GRIK4: variants seen among roughly 807,000 people sequenced by gnomAD.
The protein encoded by GRIK4 is glutamate ionotropic receptor kainate type subunit 4, also known as glutamate receptor ionotropic, kainate 4.
In GRIK4, 40 loss-of-function variants were observed where a neutral mutation model predicts 104.9. That is an observed-to-expected ratio of 0.38 (90% CI 0.30 to 0.50). GRIK4 has a LOEUF of 0.50. GRIK4 is among the 20% of genes least tolerant of loss of function. The probability of loss-of-function intolerance (pLI) is 0.93; values close to 1 mark genes in which losing one functional copy is unlikely to be tolerated. For missense variants in GRIK4, 1,047 were observed against 1,308.1 expected, an observed-to-expected ratio of 0.80 and a Z score of 3.08; for synonymous variants, 485 against 524.9, an observed-to-expected ratio of 0.92 and a Z score of 1.04.
At chr11:120,705,232 C>CTTTTTTTT (rs902505786) in intron 3 of GRIK4, among the ~76,000 whole-genome samples, 3 of 139,084 alleles carry the variant, frequency 2.2e-5, no homozygotes, top group Admixed American at 7.4e-5. Flanking sequence ...TCTTTCTTTT[C>CTTTTTTTT]TTTTTTTTTT....
intron 3 of GRIK4, among the ~76,000 whole-genome samples, chr11:120,741,929 C>A (rs1434009168): frequency 6.6e-6 from 1 of 152,180 alleles, no homozygotes; most frequent in African/African-American, 2.4e-5. Context: ...TGTGAATATG[C>A]AATGGCTCTA....
chr11:120,913,222 T>A (rs1285702272), intron 13 of GRIK4, among the ~76,000 whole-genome samples: 1 of 152,114 alleles, frequency 6.6e-6, no homozygotes, highest in East Asian at 1.9e-4. Flanking sequence ...ACACGGTCTT[T>A]CCCTGCAGAA....
intron 11 of GRIK4, among the ~76,000 whole-genome samples, chr11:120,884,899 G>A (rs1171138163): frequency 6.6e-6 from 1 of 152,250 alleles, no homozygotes; most frequent in Admixed American, 6.5e-5. Context: ...ATCCTCCCCT[G>A]CCCTCCAGCA....
intron 12 of GRIK4, among the ~76,000 whole-genome samples, chr11:120,900,806 A>G (rs1189195925): frequency 6.6e-6 from 1 of 152,190 alleles, no homozygotes; most frequent in African/African-American, 2.4e-5. Context: ...ACCCACGCCC[A>G]TCTCTGCTCA....
At chr11:120,547,697 G>A (rs1282429247) in intron 1 of GRIK4, among the ~76,000 whole-genome samples, 1 of 152,096 alleles carries the variant, frequency 6.6e-6, no homozygotes, top group Admixed American at 6.5e-5. Flanking sequence ...CATTACATGA[G>A]CTTGTCATCA....
chr11:120,785,204 C>T (rs1952241664), intron 3 of GRIK4, among the ~76,000 whole-genome samples: 1 of 152,162 alleles, frequency 6.6e-6, no homozygotes, highest in African/African-American at 2.4e-5. Flanking sequence ...TGCAGTGAGC[C>T]ATGAGACTGG....
chr11:120,607,330 A>C (rs1476908079), intron 1 of GRIK4, among the ~76,000 whole-genome samples: 1 of 152,196 alleles, frequency 6.6e-6, no homozygotes, highest in Non-Finnish European at 1.5e-5. Context: ...TGGCACAGTG[A>C]GGCAGGGAGG....
rs35063838 is a variant in GRIK4, at chr11:120,598,344, G to A, written c.-158-55341G>A. Among the ~76,000 whole-genome samples, 1,244 of 152,302 alleles carry A rather than the reference G, an allele frequency of 8.2e-3. 5 individuals carry two copies. Among genetic ancestry groups the A allele is most frequent in the Middle Eastern group, 0.017 (5 of 294 alleles). ...TTAGTGTCTTGCCCAAGGTCATCTG[G>A]ATAGCAGGTAGCAGAACGGTGGTTT... On this transcript the variant is annotated intron_variant, in intron 1 of 20. Transcript: ENST00000527524.
At chr11:120,771,191 T>G (rs1304201421) in intron 3 of GRIK4, among the ~76,000 whole-genome samples, 1 of 152,124 alleles carries the variant, frequency 6.6e-6, no homozygotes, top group Admixed American at 6.5e-5. Flanking sequence ...AGAGAAAACT[T>G]CAGTCTTTGT....
intron 6 of GRIK4, among the ~76,000 whole-genome samples, chr11:120,822,211 C>CAA (rs34732807): frequency 8.7e-4 from 62 of 71,344 alleles, no homozygotes; most frequent in South Asian, 4.8e-3. Flanking sequence ...AACCCTATCT[C>CAA]AAAAAAAAAA....
chr11:120,884,577 C>G (rs774903799), intron 11 of GRIK4, among the ~76,000 whole-genome samples: 6 of 152,244 alleles, frequency 3.9e-5, no homozygotes, highest in Non-Finnish European at 8.8e-5. Flanking sequence ...TCCTCCACCC[C>G]TGACCCCTCC....
At chr11:120,644,133 G>A (rs1409846311) in intron 1 of GRIK4, among the ~76,000 whole-genome samples, 3 of 150,964 alleles carry the variant, frequency 2.0e-5, no homozygotes, top group Non-Finnish European at 4.4e-5. Flanking sequence ...TGTGACACAG[G>A]GTTTTTTTTA....
At chr11:120,587,527 G>A (rs897507010) in intron 1 of GRIK4, among the ~76,000 whole-genome samples, 9 of 152,196 alleles carry the variant, frequency 5.9e-5, no homozygotes, top group African/African-American at 2.2e-4. Flanking sequence ...GCTTGGCACA[G>A]TGTCAGACAT....
intron 1 of GRIK4, among the ~76,000 whole-genome samples, chr11:120,588,928 G>A (rs931195573): frequency 6.6e-6 from 1 of 152,094 alleles, no homozygotes; most frequent in Non-Finnish European, 1.5e-5. Flanking sequence ...ATGTTGGCTG[G>A]GTCTGGAAAG....
intron 11 of GRIK4, among the ~76,000 whole-genome samples, chr11:120,890,182 ATTATC>A (rs1260725845): frequency 6.6e-6 from 1 of 152,124 alleles, no homozygotes; most frequent in Admixed American, 6.5e-5. Context: ...CATCACGTAC[ATTATC>A]TCAGTTGCTT....
At chr11:120,934,940 G>C (rs914728541) in intron 13 of GRIK4, among the ~76,000 whole-genome samples, 1 of 152,080 alleles carries the variant, frequency 6.6e-6, no homozygotes, top group Non-Finnish European at 1.5e-5. Context: ...TTTTAGACCT[G>C]CCTTCCCCAG....
At chr11:120,637,918 C>G (rs1949419740) in intron 1 of GRIK4, among the ~76,000 whole-genome samples, 1 of 152,050 alleles carries the variant, frequency 6.6e-6, no homozygotes, top group South Asian at 2.1e-4. Flanking sequence ...CTCGCTCTGT[C>G]ATCCAGGCTG....
chr11:120,547,038 C>A (rs1013929781), intron 1 of GRIK4, among the ~76,000 whole-genome samples: 4 of 152,218 alleles, frequency 2.6e-5, no homozygotes, highest in Middle Eastern at 3.2e-3. Context: ...CGGCACCCTG[C>A]CCCTTGGGCT....
chr11:120,705,818 C>T (rs1335595546), intron 3 of GRIK4, among the ~76,000 whole-genome samples: 2 of 152,152 alleles, frequency 1.3e-5, no homozygotes, highest in East Asian at 1.9e-4. Flanking sequence ...TTGTCCGTTG[C>T]TGGTATCTAG....
Sources: gnomAD v4.1 joint callset for allele counts (sites outside exome capture counted in the v4.1 genomes callset) on GRCh38, gnomAD v4.1.1 for gene constraint, MANE v1.5 for transcripts, NCBI Gene and HGNC (gene_info 2026-07-23, HGNC 2026-07-21) for gene names.